ADAMTS2: variants seen among roughly 807,000 people sequenced by gnomAD.
ADAMTS2 encodes the protein A disintegrin and metalloproteinase with thrombospondin motifs 2.
A neutral mutation model predicts 123.0 loss-of-function variants in ADAMTS2; 50 were observed. The observed-to-expected ratio is 0.41, with a 90% confidence interval of 0.32 to 0.51. The LOEUF (loss-of-function observed/expected upper bound fraction) is 0.51. Among genes scored for constraint, ADAMTS2 ranks in the 20% least tolerant of loss-of-function variants. The pLI is 0.35. For missense variants in ADAMTS2, 1,494 were observed against 1,705.2 expected (o/e 0.88, Z 2.18); for synonymous variants, 678 against 695.4 (o/e 0.98, Z 0.39).
intron 2 of ADAMTS2, among the ~76,000 whole-genome samples, chr5:179,333,939 C>T (rs1018669861): frequency 1.3e-5 from 2 of 152,148 alleles, no homozygotes; most frequent in Admixed American, 6.5e-5. Context: ...TGGAAAAACA[C>T]CTTCTAGAAG....
chr5:179,223,495 C>G (rs1355989844), intron 3 of ADAMTS2, among the ~76,000 whole-genome samples: 1 of 145,420 alleles, frequency 6.9e-6, no homozygotes, highest in Non-Finnish European at 1.5e-5. Flanking sequence ...GACTCACACT[C>G]ACATGCACAC....
At chr5:179,172,297 C>T (rs1027466646) in intron 5 of ADAMTS2, among the ~76,000 whole-genome samples, 12 of 152,232 alleles carry the variant, frequency 7.9e-5, no homozygotes, top group Admixed American at 2.0e-4. Context: ...ACCTGACAAC[C>T]GGTCCCCTGC....
intron 3 of ADAMTS2, among the ~76,000 whole-genome samples, chr5:179,209,584 A>ACG: frequency 8.0e-6 from 1 of 125,538 alleles, no homozygotes; most frequent in Non-Finnish European, 1.8e-5. Context: ...ACACACATGT[A>ACG]CACACACAGG....
In ADAMTS2 at chr5:179,244,707, T is replaced by C. The variant is rs137860959; in HGVS notation, c.688+28204A>G. The stretch of plus-strand genomic sequence containing the variant: ...ATTGTATTATTGGGCCCATATAATA[T>C]ATAAATGTAATATATTTGACTAACA... On this transcript the variant is annotated intron_variant, in intron 3 of 21. Transcript: ENST00000251582. Among the ~76,000 whole-genome samples, 129 of 152,308 alleles carry C rather than the reference T, an allele frequency of 8.5e-4. 1 individual carries two copies. Among genetic ancestry groups the C allele is most frequent in the Middle Eastern group, 6.8e-3 (2 of 294 alleles).
chr5:179,310,390 T>C (rs1756796609), intron 2 of ADAMTS2, among the ~76,000 whole-genome samples: 1 of 152,174 alleles, frequency 6.6e-6, no homozygotes, highest in Non-Finnish European at 1.5e-5. Context: ...CTACAAGCCT[T>C]TCCGAAGCCC....
At chr5:179,286,544 C>T (rs1285040586) in intron 2 of ADAMTS2, among the ~76,000 whole-genome samples, 1 of 152,068 alleles carries the variant, frequency 6.6e-6, no homozygotes, top group Non-Finnish European at 1.5e-5. Flanking sequence ...AGCAACCAAA[C>T]CCTGCAAGGC....
chr5:179,216,829 T>C (rs1764994576), intron 3 of ADAMTS2, among the ~76,000 whole-genome samples: 1 of 152,214 alleles, frequency 6.6e-6, no homozygotes, highest in Admixed American at 6.5e-5. Flanking sequence ...TAGTAAATGA[T>C]ACAGGTAGCA....
At position 179,200,265 on chromosome 5, in the gene ADAMTS2, T is replaced by C. The variant is rs940441625; in HGVS notation, c.891+7248A>G. Among the ~76,000 whole-genome samples the C allele has an allele frequency of 9.4e-5, 14 of 149,064 alleles. No homozygotes were observed. The East Asian group carries it at 9.7e-4, about 10-fold the overall frequency. On this transcript the variant is annotated intron_variant, in intron 4 of 21. Coordinates refer to ENST00000251582, the MANE Select transcript of ADAMTS2 (RefSeq NM_014244.5). ...TTTCCTTTTTTTTTTTTTTTTTTTT[T>C]TGAGAGAGAATCTCACTCTGTCGCC...
intron 2 of ADAMTS2, among the ~76,000 whole-genome samples, chr5:179,273,717 G>A (rs534321842): frequency 6.6e-6 from 1 of 152,060 alleles, no homozygotes; most frequent in African/African-American, 2.4e-5. Context: ...TGTCTCTCCT[G>A]CTCTCTGTGT....
At chr5:179,207,475 T>TCCCCCCCCCCC in intron 4 of ADAMTS2, 38 bp downstream of exon 4, 2 of 588,616 alleles carry the variant, frequency 3.4e-6, no homozygotes, top group Non-Finnish European at 6.4e-6. Context: ...TGGTTGACCC[T>TCCCCCCCCCCC]CCCCGCCCCA....
At chr5:179,302,379 C>CAAAAAAAA (rs1166990772) in intron 2 of ADAMTS2, among the ~76,000 whole-genome samples, 4 of 38,184 alleles carry the variant, frequency 1.0e-4, no homozygotes, top group African/African-American at 4.2e-4. Context: ...AAGACCGTCT[C>CAAAAAAAA]AAAAAAAAAA....
chr5:179,160,897 C>T (rs1344185388), intron 5 of ADAMTS2, among the ~76,000 whole-genome samples: 5 of 152,092 alleles, frequency 3.3e-5, no homozygotes. Flanking sequence ...CATCTAATTT[C>T]CCATTGAGAC....
In ADAMTS2 at chr5:179,217,850, A is replaced by G. The variant is rs572470947; in HGVS notation, c.689-10135T>C. Among the ~76,000 whole-genome samples the G allele has an allele frequency of 7.4e-3, 392 of 53,090 alleles. 6 individuals are homozygous for G. Among genetic ancestry groups the G allele is most frequent in the African/African-American group, 0.034 (361 of 10,670 alleles). The allele number at this position is 53,090 out of a possible 152,430, so 34.8% of individuals were successfully genotyped here. ...GGCCTGAGGGCAGACAGGCACACTC[A>G]CTAGGTAGGGGATGGCCTGAGGGCA... On this transcript the variant is annotated intron_variant, in intron 3 of 21. Transcript: ENST00000251582.
chr5:179,140,379 A>T lies in ADAMTS2; in HGVS notation c.1630-344T>A, dbSNP rs78262053. ...GCCCACACACAGCCCATTTATAAAG[A>T]TACCACTGGCCTATCAGGCCAGTGA... On this transcript the variant is annotated intron_variant, in intron 10 of 21. Transcript: ENST00000251582. Among the ~76,000 whole-genome samples, 1,090 of 152,372 alleles carry T rather than the reference A, an allele frequency of 7.2e-3. 17 individuals carry two copies. Among genetic ancestry groups the T allele is most frequent in the African/African-American group, 0.024 (1,015 of 41,598 alleles).
At chr5:179,235,048 G>C (rs918185003) in intron 3 of ADAMTS2, among the ~76,000 whole-genome samples, 1 of 152,174 alleles carries the variant, frequency 6.6e-6, no homozygotes, top group Non-Finnish European at 1.5e-5. Context: ...TGCCTGCCCT[G>C]CCCTTTCTGG....
chr5:179,287,695 C>T (rs1313382338), intron 2 of ADAMTS2, among the ~76,000 whole-genome samples: 1 of 152,238 alleles, frequency 6.6e-6, no homozygotes, highest in Non-Finnish European at 1.5e-5. Context: ...TCCCCAGTCT[C>T]GAGGACCCAG....
rs1481727094 is a variant in ADAMTS2 at position 179,345,124 on chromosome 5, G to A, written c.139+66C>T. Reference sequence around the variant, plus strand: ...CTGGACGACGCCTGGGGAGGGGGCGGCGGGGCACGCGGGACAGGGCCAGGC... The same window carrying A: ...CTGGACGACGCCTGGGGAGGGGGCGACGGGGCACGCGGGACAGGGCCAGGC... On this transcript the variant is annotated intron_variant, in intron 1 of 21. Transcript: ENST00000251582. The surrounding 1 kb of genome is among the most constrained non-coding windows in gnomAD (Gnocchi z 7.5). 6.7e-6 allele frequency: 7 copies of A among 1,041,972 alleles called. No homozygotes were observed. The highest frequency in any genetic ancestry group is 7.0e-6 in the Non-Finnish European group (6 of 861,552). 64.5% of individuals were successfully genotyped at this position (1,041,972 alleles called of 1,614,324 possible).
chr5:179,326,147 G>C (rs946325455), intron 2 of ADAMTS2, among the ~76,000 whole-genome samples: 2 of 152,118 alleles, frequency 1.3e-5, no homozygotes, highest in Non-Finnish European at 2.9e-5. Flanking sequence ...TCCGCATCTT[G>C]ACTAATTGTT....
At position 179,122,619 on chromosome 5, in the gene ADAMTS2, G is replaced by A. The variant is rs374871196; in HGVS notation, c.3088+25C>T. 1.6e-3 allele frequency: 2,530 copies of A among 1,548,492 alleles called. 15 individuals are homozygous for A. The highest frequency in any genetic ancestry group is 7.7e-3 in the South Asian group (650 of 83,984). ...CCTGGGCTGCTGCATGCTGGGAGCA[G>A]GGGCAGGGGCTGCAGGTGGCTTACG... On this transcript the variant is annotated intron_variant, in intron 20 of 21. Coordinates refer to ENST00000251582, the MANE Select transcript of ADAMTS2 (RefSeq NM_014244.5).
Sources: allele counts gnomAD v4.1 joint callset (sites outside exome capture counted in the v4.1 genomes callset), GRCh38; gene constraint gnomAD v4.1.1; non-coding constraint Gnocchi (gnomAD v3.1); transcripts MANE v1.5; gene names NCBI Gene and HGNC (gene_info 2026-07-23, HGNC 2026-07-21).